Variants in PARPBP observed in about 807,000 individuals in gnomAD.
PARPBP encodes PARP1 binding protein.
Under a neutral mutation model 50.0 loss-of-function variants are expected in PARPBP, and 52 were observed. That is an observed-to-expected ratio of 1.04 (90% CI 0.83 to 1.31). PARPBP has a LOEUF of 1.31. Among genes scored for constraint, PARPBP ranks in the 50% most tolerant of loss-of-function variants. PARPBP has a pLI of 0.00. For synonymous variants in PARPBP, 244 were observed against 232.1 expected, an observed-to-expected ratio of 1.05 and a Z score of -0.47; for missense variants, 697 against 672.0, an observed-to-expected ratio of 1.04 and a Z score of -0.41.
At chr12:102,151,349 C>T (rs1305660963) in intron 3 of PARPBP, among the ~76,000 whole-genome samples, 3 of 152,128 alleles carry the variant, frequency 2.0e-5, no homozygotes, top group Non-Finnish European at 4.4e-5. Flanking sequence ...CTGCAACTAC[C>T]CACGGAAGAA....
chr12:102,186,396 A>G (rs1435124144), intron 9 of PARPBP, among the ~76,000 whole-genome samples: 2 of 151,986 alleles, frequency 1.3e-5, no homozygotes, highest in South Asian at 4.1e-4. Flanking sequence ...CTAGTCCCAT[A>G]AGATGCATAT....
In PARPBP at chr12:102,124,053, A is replaced by T; in HGVS notation, c.153+12A>T. On this transcript the variant is annotated intron_variant, in intron 2 of 10. Coordinates refer to ENST00000327680, the MANE Select transcript of PARPBP (RefSeq NM_017915.5). ...AGAACAACAAACAGGTTGGTAAACT[A>T]TATTTGGGTTAACTTGTTTTTTTAA... 6.5e-7 allele frequency: 1 copy of T among 1,527,266 alleles called. No homozygotes were observed. Among genetic ancestry groups the T allele is most frequent in the Non-Finnish European group, 8.8e-7 (1 of 1,141,118 alleles). The allele number at this position is 1,527,266 out of a possible 1,614,324, so 94.6% of individuals were successfully genotyped here. A position where few individuals can be genotyped will look rare whatever the true frequency, so the allele number is the denominator to read the frequency against.
intron 2 of PARPBP, 33 bp from the exon 3 acceptor site, chr12:102,148,197 T>C (rs1565870261): frequency 1.0e-6 from 1 of 953,684 alleles, no homozygotes; most frequent in Non-Finnish European, 1.6e-6. Context: ...TACCCAACTT[T>C]ATTTTTTTTT....
At chr12:102,148,181 T>G in intron 2 of PARPBP, 49 bp from the exon 3 acceptor site, 1 of 754,214 alleles carries the variant, frequency 1.3e-6, no homozygotes, top group Non-Finnish European at 2.1e-6. Context: ...TTATTGAATA[T>G]TCTGGTACCC....
chr12:102,126,537 A>G (rs1464648587), intron 2 of PARPBP, among the ~76,000 whole-genome samples: 6 of 152,196 alleles, frequency 3.9e-5, no homozygotes, highest in Non-Finnish European at 8.8e-5. Context: ...CTGTAATCCC[A>G]TCACTTTGGG....
intron 4 of PARPBP, among the ~76,000 whole-genome samples, chr12:102,160,314 A>G (rs1887427218): frequency 6.6e-6 from 1 of 152,236 alleles, no homozygotes; most frequent in South Asian, 2.1e-4. Flanking sequence ...CTTAAAGAGC[A>G]AGTTGTAGAT....
At chr12:102,130,164 T>C (rs1411554016) in intron 2 of PARPBP, among the ~76,000 whole-genome samples, 1 of 152,118 alleles carries the variant, frequency 6.6e-6, no homozygotes, top group Admixed American at 6.5e-5. Flanking sequence ...ATTCAATAAA[T>C]AGTGCTGGGA....
chr12:102,163,518 C>A (rs1887817805), intron 4 of PARPBP, among the ~76,000 whole-genome samples: 1 of 152,114 alleles, frequency 6.6e-6, no homozygotes, highest in Non-Finnish European at 1.5e-5. Context: ...AAAATGTATT[C>A]ATGTATTTTT....
chr12:102,164,391 T>A (rs886237093), intron 4 of PARPBP, 47 bp from the exon 5 acceptor site: 2 of 1,373,388 alleles, frequency 1.5e-6, no homozygotes, highest in Non-Finnish European at 2.1e-6. Context: ...GATTATGGAT[T>A]TAGAAGAACT....
At chr12:102,137,100 C>T (rs1458702269) in intron 2 of PARPBP, among the ~76,000 whole-genome samples, 1 of 151,994 alleles carries the variant, frequency 6.6e-6, no homozygotes, top group Non-Finnish European at 1.5e-5. Context: ...ACTACAGGCA[C>T]CCACCACCAC....
chr12:102,151,282 G>A (rs1453704453), intron 3 of PARPBP, among the ~76,000 whole-genome samples: 1 of 152,188 alleles, frequency 6.6e-6, no homozygotes, highest in Non-Finnish European at 1.5e-5. Context: ...CTGGGTGGGG[G>A]TGCCGCGGGT....
At chr12:102,126,756 A>G (rs1882062398) in intron 2 of PARPBP, among the ~76,000 whole-genome samples, 1 of 152,204 alleles carries the variant, frequency 6.6e-6, no homozygotes, top group Non-Finnish European at 1.5e-5. Flanking sequence ...AGTCTGGCCG[A>G]CAGAGCGAGA....
intron 6 of PARPBP, among the ~76,000 whole-genome samples, chr12:102,168,944 C>T (rs1888419455): frequency 6.6e-6 from 1 of 152,050 alleles, no homozygotes; most frequent in African/African-American, 2.4e-5. Context: ...AAATACTTTC[C>T]TTTTTTCTGC....
intron 3 of PARPBP, among the ~76,000 whole-genome samples, chr12:102,149,744 A>G (rs1390207177): frequency 1.3e-5 from 2 of 152,196 alleles, no homozygotes; most frequent in Admixed American, 6.5e-5. Context: ...TCATTGAACT[A>G]TCATAAAAAC....
rs753866731 is a variant in PARPBP at position 102,181,083 on chromosome 12, C to T, written c.1185-1466C>T. On this transcript the variant is annotated intron_variant, in intron 8 of 10. Transcript: ENST00000327680. ...TTTACCTTCTCTGACCCTCCTATTT[C>T]TATGTTTTTCTCTTTTGAATTCTCA... Among the ~76,000 whole-genome samples, 3 of 152,114 alleles carry T rather than the reference C, an allele frequency of 2.0e-5. No individual in the cohort carries two copies. The East Asian group carries it at 5.8e-4, about 29-fold the overall frequency.
intron 2 of PARPBP, among the ~76,000 whole-genome samples, chr12:102,126,345 C>T (rs760362632): frequency 6.6e-6 from 1 of 152,100 alleles, no homozygotes; most frequent in African/African-American, 2.4e-5. Flanking sequence ...TGTTTTTGAC[C>T]TTTTGTAGTT....
intron 8 of PARPBP, among the ~76,000 whole-genome samples, chr12:102,179,044 G>T (rs1889573102): frequency 6.6e-6 from 1 of 152,000 alleles, no homozygotes; most frequent in Non-Finnish European, 1.5e-5. Flanking sequence ...CTTTGCTGTG[G>T]GTCAAGAATT....
In PARPBP at chr12:102,175,525, G is replaced by A; in HGVS notation, c.864G>A (p.Leu288=). 1 of 1,613,790 alleles carries A rather than the reference G, an allele frequency of 6.2e-7. No homozygotes were observed. Reference sequence around the variant, plus strand: ...TACTGTCAGTGATAAAGATGCAACTGATTAAAGGCCAAAACAGCAGGGATC... The same window carrying A: ...TACTGTCAGTGATAAAGATGCAACTAATTAAAGGCCAAAACAGCAGGGATC... The part of the protein sequence containing the change: ...GQILSVIKMQ[L]IKGQNSRDPF... Residue 288 remains leucine, a synonymous_variant, in exon 7 of 11, where the codon CTG becomes CTA. Transcript: ENST00000327680.
Position 102,196,753 on chromosome 12 carries a change from A to G in PARPBP, c.*462A>G. 2 of 1,376,536 alleles carry G rather than the reference A, an allele frequency of 1.5e-6. No homozygotes were observed. Among genetic ancestry groups the G allele is most frequent in the Non-Finnish European group, 2.1e-6 (2 of 969,636 alleles). The allele number at this position is 1,376,536 out of a possible 1,614,324, so 85.3% of individuals were successfully genotyped here. A position where few individuals can be genotyped will look rare whatever the true frequency, so the allele number is the denominator to read the frequency against. On this transcript the variant is annotated 3_prime_UTR_variant, in exon 11 of 11. Transcript: ENST00000327680. ...TTTAAAGGACTATAATTATCACACA[A>G]AATTTATTAAGAAAAAAAGAATGGA...
Sources: gnomAD v4.1 joint callset for allele counts (sites outside exome capture counted in the v4.1 genomes callset) on GRCh38, gnomAD v4.1.1 for gene constraint, MANE v1.5 for transcripts, NCBI Gene and HGNC (gene_info 2026-07-23, HGNC 2026-07-21) for gene names.